The following CPLX2 variants were observed in gnomAD, a reference collection of about 807,000 sequenced individuals.
CPLX2 encodes the protein complexin-2.
In CPLX2, 5 loss-of-function variants were observed where a neutral mutation model predicts 16.3. The ratio of observed to expected loss-of-function variants is 0.31; its 90% CI spans 0.16 to 0.64. CPLX2 has a LOEUF of 0.64. Ranked by LOEUF, CPLX2 falls within the 30% of genes least tolerant of loss-of-function variation. CPLX2 has a pLI of 0.79. For missense variants in CPLX2, 144 were observed against 181.4 expected (o/e 0.79, Z 1.18); for synonymous variants, 89 against 73.2 (o/e 1.22, Z -1.10).
rs755125657 is a variant in CPLX2, at chr5:175,854,832, C to G, written c.-88-23820C>G. Among the ~76,000 whole-genome samples the G allele has an allele frequency of 2.0e-5, 3 of 152,072 alleles. 1 individual carries two copies. In the South Asian group the frequency reaches 6.2e-4, roughly 31 times the overall value. On this transcript the variant is annotated intron_variant, in intron 2 of 4. Transcript: ENST00000359546. Reference sequence around the variant, plus strand: ...CCATGATCCAGCGCCACAGTGGGAGCGAAAAAATTACACAATCCATTGATT... The same window carrying G: ...CCATGATCCAGCGCCACAGTGGGAGGGAAAAAATTACACAATCCATTGATT...
chr5:175,837,841 A>AAGCC (rs1404598104), intron 2 of CPLX2: 1 of 152,174 alleles, frequency 6.6e-6, no homozygotes, highest in Non-Finnish European at 1.5e-5. Flanking sequence ...CAGTGTTACC[A>AAGCC]AGCCACGGGG....
chr5:175,843,518 C>G (rs1758985101), intron 2 of CPLX2, among the ~76,000 whole-genome samples: 2 of 152,264 alleles, frequency 1.3e-5, no homozygotes, highest in Admixed American at 6.5e-5. Flanking sequence ...CCAAGGCACA[C>G]TCGTGGCCTC....
At chr5:175,848,283 A>G (rs1383313201) in intron 2 of CPLX2, among the ~76,000 whole-genome samples, 1 of 152,194 alleles carries the variant, frequency 6.6e-6, no homozygotes, top group African/African-American at 2.4e-5. Context: ...CCCAAAAAGG[A>G]GGGACAGACT....
intron 1 of CPLX2, among the ~76,000 whole-genome samples, chr5:175,873,949 A>G (rs1324526511): frequency 6.6e-6 from 1 of 152,256 alleles, no homozygotes; most frequent in African/African-American, 2.4e-5. Context: ...ATGCCCAGGC[A>G]TTCTCAGAAA....
chr5:175,828,680 C>T (rs761442507), intron 2 of CPLX2, among the ~76,000 whole-genome samples: 11 of 152,154 alleles, frequency 7.2e-5, no homozygotes, highest in Admixed American at 3.3e-4. Context: ...GGCGCTGTCC[C>T]TCTCTGAGCC....
intron 2 of CPLX2, among the ~76,000 whole-genome samples, chr5:175,811,125 G>C (rs777902762): frequency 6.6e-6 from 1 of 152,224 alleles, no homozygotes; most frequent in Non-Finnish European, 1.5e-5. Context: ...GTAAGTGCTC[G>C]ATGCAGGTTT....
At chr5:175,804,292 G>C (rs1431314189) in intron 1 of CPLX2, among the ~76,000 whole-genome samples, 1 of 152,170 alleles carries the variant, frequency 6.6e-6, no homozygotes, top group Non-Finnish European at 1.5e-5. Flanking sequence ...TCAAGAGCCA[G>C]TCTGCTCATG....
chr5:175,801,161 T>TA lies in CPLX2; in HGVS notation c.-169+4392dup, dbSNP rs3051187. ...CAGATGGCTTTAAGCAGAGGAGTGT[T>TA]AAAAAAAAAAAAAAACTGGGTTTTA... On this transcript the variant is annotated intron_variant, in intron 1 of 4. Transcript: ENST00000359546. 4.4e-3 allele frequency among the ~76,000 whole-genome samples: 626 copies of TA among 140,958 alleles called. 4 individuals are homozygous for TA. Among genetic ancestry groups the TA allele is most frequent in the South Asian group, 0.019 (83 of 4,450 alleles). The allele number at this position is 140,958 out of a possible 152,430, so 92.5% of individuals were successfully genotyped here. A position where few individuals can be genotyped will look rare whatever the true frequency, so the allele number is the denominator to read the frequency against.
intron 2 of CPLX2, among the ~76,000 whole-genome samples, chr5:175,818,149 C>T (rs1039746776): frequency 2.0e-5 from 3 of 152,016 alleles, no homozygotes; most frequent in Non-Finnish European, 4.4e-5. Flanking sequence ...AAGGAAAGTT[C>T]AATGGGGGCT....
intron 2 of CPLX2, among the ~76,000 whole-genome samples, chr5:175,814,753 C>A (rs568261401): frequency 6.6e-6 from 1 of 152,304 alleles, no homozygotes; most frequent in South Asian, 2.1e-4. Context: ...GCCAAAGCTG[C>A]ACAAGGGGTC....
chr5:175,832,611 G>A (rs866296212), intron 2 of CPLX2, among the ~76,000 whole-genome samples: 1 of 152,192 alleles, frequency 6.6e-6, no homozygotes, highest in East Asian at 1.9e-4. Flanking sequence ...TAGGGAGATT[G>A]TCTGCCAAAG....
chr5:175,869,705 T>C (rs1366431498), upstream of CPLX2, among the ~76,000 whole-genome samples: 1 of 152,192 alleles, frequency 6.6e-6, no homozygotes. Flanking sequence ...CCTCAAATCC[T>C]TCAACCTGCC....
In CPLX2 at chr5:175,878,961, G is replaced by A; in HGVS notation, c.85G>A (p.Asp29Asn). ...GGGGGGAGAGGAGGAGAAGGACCCC[G>A]ACGCGCAGAAAAAGGAGGAGGAGCG... ...MLGGEEEKDPDAQKKEEERQE... is the reference protein window; with the variant it reads ...MLGGEEEKDPNAQKKEEERQE... Residue 29 changes from aspartate (D) to asparagine (N), a missense_variant, in exon 3 of 4, where the codon GAC becomes AAC. Physicochemically the swap from Asp to Asn is conservative, Grantham distance 23. Coordinates refer to ENST00000393745, the MANE Select transcript of CPLX2 (RefSeq NM_001008220.2). 6.2e-7 allele frequency: 1 copy of A among 1,610,802 alleles called. No individual in the cohort carries two copies. Among genetic ancestry groups the A allele is most frequent in the Non-Finnish European group, 8.5e-7 (1 of 1,178,680 alleles).
At chr5:175,838,133 C>T (rs987827724) in intron 2 of CPLX2, among the ~76,000 whole-genome samples, 1 of 152,122 alleles carries the variant, frequency 6.6e-6, no homozygotes, top group Non-Finnish European at 1.5e-5. Context: ...AAGACGGAAA[C>T]ATAGACCGGG....
rs895294715 is a variant in CPLX2 at position 175,883,526 on chromosome 5, C to A, written c.*3481C>A. The A allele has an allele frequency of 1.3e-5, 2 of 152,172 alleles. No individual in the cohort carries two copies. The highest frequency in any genetic ancestry group is 2.4e-5 in the African/African-American group (1 of 41,428). 9.4% of individuals were successfully genotyped at this position (152,172 alleles called of 1,614,324 possible). ...GTGGCTAGAGTACAGTGGGGTAGAC[C>A]CTCCAGCCCCAATAGCCCTAGTACC... On this transcript the variant is annotated 3_prime_UTR_variant, in exon 4 of 4. Transcript: ENST00000393745.
At chr5:175,859,289 G>A (rs1046185792) in intron 2 of CPLX2, among the ~76,000 whole-genome samples, 2 of 152,198 alleles carry the variant, frequency 1.3e-5, no homozygotes, top group African/African-American at 4.8e-5. Context: ...AGTCACCTTG[G>A]GAAGGCCTGT....
intron 3 of CPLX2, chr5:175,879,589 G>T: frequency 1.6e-6 from 1 of 611,964 alleles, no homozygotes; most frequent in Non-Finnish European, 3.0e-6. Context: ...CATGTGTTCA[G>T]ATCTTTGGGG....
At chr5:175,858,698 G>T (rs1179729741) in intron 2 of CPLX2, among the ~76,000 whole-genome samples, 1 of 152,238 alleles carries the variant, frequency 6.6e-6, no homozygotes, top group African/African-American at 2.4e-5. Context: ...GAAGGATCTT[G>T]CGAAGTTATA....
intron 2 of CPLX2, among the ~76,000 whole-genome samples, chr5:175,822,407 T>C (rs1758528853): frequency 2.0e-5 from 3 of 152,192 alleles, no homozygotes; most frequent in Admixed American, 2.0e-4. Flanking sequence ...CATTTCATCA[T>C]CTGGAAACAG....
Sources: allele counts gnomAD v4.1 joint callset (sites outside exome capture counted in the v4.1 genomes callset), GRCh38; gene constraint gnomAD v4.1.1; transcripts MANE v1.5; gene names NCBI Gene and HGNC (gene_info 2026-07-23, HGNC 2026-07-21).